Variants in WEE1 observed in about 807,000 individuals in gnomAD.
The protein encoded by WEE1 is wee1-like protein kinase.
Under a neutral mutation model 68.8 loss-of-function variants are expected in WEE1, and 16 were observed. The observed-to-expected ratio is 0.23, with a 90% CI of 0.16 to 0.35. The LOEUF is 0.35. Ranked by LOEUF, WEE1 falls within the 10% of genes least tolerant of loss-of-function variation. WEE1 has a pLI of 1.00. For missense variants in WEE1, 651 were observed against 824.1 expected, an observed-to-expected ratio of 0.79 and a Z score of 2.57; for synonymous variants, 349 against 318.7, an observed-to-expected ratio of 1.09 and a Z score of -1.01.
Position 9,574,319 on chromosome 11 carries a change from C to A in WEE1, c.386C>A (p.Ala129Glu), listed in dbSNP as rs1849539305. 1.6e-6 allele frequency: 2 copies of A among 1,270,106 alleles called. No individual in the cohort carries two copies. The highest frequency in any genetic ancestry group is 2.9e-5 in the South Asian group (1 of 33,962). 78.7% of individuals were successfully genotyped at this position (1,270,106 alleles called of 1,614,324 possible). A position where few individuals can be genotyped will look rare whatever the true frequency, so the allele number is the denominator to read the frequency against. Residue 129 changes from alanine to glutamate, a missense_variant, in exon 1 of 11, where the codon GCG (alanine) becomes GAG (glutamate). Around this residue, in one of 5 missense-constraint regions of WEE1, gnomAD observed 395 missense variants for 378.4 expected, o/e 1.04. Transcript: ENST00000450114. The surrounding 1 kb of genome is among the most constrained non-coding windows in gnomAD (Gnocchi z 4.9). Reference protein sequence around the residue: ...FGSSSPVKSPAAPYFLGSSFS... With the variant: ...FGSSSPVKSPEAPYFLGSSFS... The stretch of plus-strand genomic sequence containing the variant: ...TCCTCGTCGCCGGTCAAGTCGCCGG[C>A]GGCCCCCTACTTCCTGGGTAGCTCT...
chr11:9,581,797 C>A, intron 6 of WEE1, 119 bp downstream of exon 6: 1 of 1,005,964 alleles, frequency 9.9e-7, no homozygotes, highest in Non-Finnish European at 1.4e-6. Flanking sequence ...TTTTAAAAGG[C>A]CTTAGATCCA....
At chr11:9,579,690 C>G (rs952530792) in intron 5 of WEE1, 1 of 152,208 alleles carries the variant, frequency 6.6e-6, no homozygotes, top group Non-Finnish European at 1.5e-5. Context: ...CACATTTGAT[C>G]TAGGACTTAG....
chr11:9,575,377 T>A, intron 1 of WEE1: 2 of 991,258 alleles, frequency 2.0e-6, no homozygotes, highest in South Asian at 4.5e-5. Flanking sequence ...CCTTTTAAAG[T>A]GAGTTTGTTT....
chr11:9,578,004 A>T (rs1849582811), intron 5 of WEE1: 1 of 411,748 alleles, frequency 2.4e-6, no homozygotes, highest in African/African-American at 2.1e-5. Flanking sequence ...ATTATATACC[A>T]AATCTTTTAT....
intron 6 of WEE1, 103 bp from the exon 7 acceptor site, chr11:9,585,155 C>T (rs1051846245): frequency 4.5e-6 from 4 of 893,556 alleles, no homozygotes; most frequent in South Asian, 1.6e-5. Flanking sequence ...ACTTGAGAAT[C>T]GGCATTTTAA....
At chr11:9,575,335 C>G (rs1849553766) in intron 1 of WEE1, 1 of 988,738 alleles carries the variant, frequency 1.0e-6, no homozygotes, top group Admixed American at 5.9e-5. Flanking sequence ...TAAGACAAGC[C>G]TCGCATTTGT....
chr11:9,588,697 G>A lies in WEE1; in HGVS notation c.*95G>A. ...CCAGTTTGCAATTACTTTCTCGATT[G>A]GTGTCAGTAGTTTTACTGATTAGGA... On this transcript the variant is annotated 3_prime_UTR_variant, in exon 11 of 11. Transcript: ENST00000450114. 7.2e-7 allele frequency: 1 copy of A among 1,395,688 alleles called. No homozygotes were observed. The highest frequency in any genetic ancestry group is 9.3e-7 in the Non-Finnish European group (1 of 1,074,884). The allele number at this position is 1,395,688 out of a possible 1,614,324, so 86.5% of individuals were successfully genotyped here. A position where few individuals can be genotyped will look rare whatever the true frequency, so the allele number is the denominator to read the frequency against.
Position 9,576,066 on chromosome 11 carries a change from G to A in WEE1, c.755G>A (p.Arg252His), listed in dbSNP as rs750823367. The A allele has an allele frequency of 1.2e-6, 2 of 1,614,116 alleles. No homozygotes were observed. Among genetic ancestry groups the A allele is most frequent in the Non-Finnish European group, 1.7e-6 (2 of 1,180,014 alleles). ...TTGCTTCATTCCTCAGGACAGTGTC[G>A]TCGTAGAAAGAGAACGTATTGGAAT... is the stretch of plus-strand genomic sequence containing the variant. ...SLLLHSSGQC[R>H]RRKRTYWNDS... The change falls in exon 2 of 11, where the codon CGT becomes CAT. Residue 252 changes from arginine to histidine, a missense_variant. Arg to His is a conservative substitution (Grantham distance 29). This residue lies in a region of WEE1 where 395 missense variants were observed against 378.4 expected (regional missense o/e 1.04). Coordinates refer to ENST00000450114, the MANE Select transcript of WEE1 (RefSeq NM_003390.4). This position sits in a 1 kb window ranked among gnomAD's most constrained non-coding sequence, Gnocchi z 4.3.
At position 9,576,947 on chromosome 11, in the gene WEE1, T is replaced by G. The variant is rs2134341363; in HGVS notation, c.1020-195T>G. 6.6e-6 allele frequency among the ~76,000 whole-genome samples: 1 copy of G among 152,362 alleles called. No homozygotes were observed. Among genetic ancestry groups the G allele is most frequent in the South Asian group, 2.1e-4 (1 of 4,830 alleles). On this transcript the variant is annotated intron_variant, in intron 4 of 10. Coordinates refer to ENST00000450114, the MANE Select transcript of WEE1 (RefSeq NM_003390.4). The surrounding 1 kb of genome is among the most constrained non-coding windows in gnomAD (Gnocchi z 4.3). ...TCCTAGGGCAAGCAACATTTCTTCT[T>G]TCTGATAAATCTTTAATGGAATCTG...
At position 9,585,482 on chromosome 11, in the gene WEE1, T is replaced by C; in HGVS notation, c.1425T>C (p.Val475=). 1 of 1,604,040 alleles carries C rather than the reference T, an allele frequency of 6.2e-7. No individual in the cohort carries two copies. Among genetic ancestry groups the C allele is most frequent in the Non-Finnish European group, 8.5e-7 (1 of 1,177,590 alleles). Reference sequence around the variant, plus strand: ...TAACAAGGATCTCCAGTCCACAAGTTGAAGAGGGCGATAGTCGTTTTCTTG... The same window carrying C: ...TAACAAGGATCTCCAGTCCACAAGTCGAAGAGGGCGATAGTCGTTTTCTTG... ...GHVTRISSPQ[V]EEGDSRFLAN... Residue 475 remains valine (V), a synonymous_variant, in exon 8 of 11, where the codon GTT becomes GTC. Coordinates refer to ENST00000450114, the MANE Select transcript of WEE1 (RefSeq NM_003390.4).
rs952512028 is a variant in WEE1 at position 9,589,714 on chromosome 11, T to A, written c.*1112T>A. On this transcript the variant is annotated 3_prime_UTR_variant, in exon 11 of 11. Transcript: ENST00000450114. ...GCACTTGTCTTTGACTTGTGTTTTA[T>A]TAACATTGATTGGCATATTAAAAGT... 6 of 985,626 alleles carry A rather than the reference T, an allele frequency of 6.1e-6. No individual in the cohort carries two copies. In the African/African-American group the frequency reaches 7.0e-5, roughly 11 times the overall value. The allele number at this position is 985,626 out of a possible 1,614,324, so 61.1% of individuals were successfully genotyped here. A position where few individuals can be genotyped will look rare whatever the true frequency, so the allele number is the denominator to read the frequency against.
At position 9,573,780 on chromosome 11, in the gene WEE1, G is replaced by C. The variant is rs1471820257; in HGVS notation, c.-154G>C. The C allele has an allele frequency of 4.1e-6, 2 of 489,602 alleles. No homozygotes were observed. The highest frequency in any genetic ancestry group is 2.1e-5 in the African/African-American group (1 of 48,132). The allele number at this position is 489,602 out of a possible 1,614,324, so 30.3% of individuals were successfully genotyped here. ...GCTGCCGCCACCGTCCGCAGCCCGAGCGCCCCGGAGCCGCAGGCCGCCGCC... is the reference window on the plus strand; with the variant it reads ...GCTGCCGCCACCGTCCGCAGCCCGACCGCCCCGGAGCCGCAGGCCGCCGCC... On this transcript the variant is annotated 5_prime_UTR_variant, in exon 1 of 11. Transcript: ENST00000450114.
chr11:9,581,483 G>T, intron 5 of WEE1, 49 bp from the exon 6 acceptor site: 1 of 1,542,338 alleles, frequency 6.5e-7, no homozygotes. Context: ...ATGGAAGAAA[G>T]AAAATATTTC....
intron 1 of WEE1, chr11:9,575,233 G>A (rs1439446173): frequency 1.0e-6 from 1 of 985,480 alleles, no homozygotes; most frequent in Non-Finnish European, 1.2e-6. Context: ...AAAGAAGGAG[G>A]TGTTCAGCAC....
chr11:9,586,754 C>T lies in WEE1; in HGVS notation c.1685C>T (p.Ala562Val), dbSNP rs779886469. Residue 562 changes from alanine to valine, a missense_variant, in exon 10 of 11, where the codon GCA becomes GTA. Around this residue, in one of 5 missense-constraint regions of WEE1, gnomAD observed 115 missense variants for 142.7 expected, o/e 0.81. Transcript: ENST00000450114. ...CCAGAGAGAAGACCTTCAGCAATGG[C>T]ACTGGTAAAGCATTCAGTATTGCTG... The part of the protein sequence containing the change: ...PDPERRPSAM[A>V]LVKHSVLLSA... The T allele has an allele frequency of 6.2e-7, 1 of 1,614,008 alleles. No individual in the cohort carries two copies. Among genetic ancestry groups the T allele is most frequent in the East Asian group, 2.2e-5 (1 of 44,870 alleles).
rs1849540430 is a variant in WEE1, at chr11:9,574,405, C to T, written c.472C>T (p.Arg158Trp). The part of the protein sequence containing the change: ...DASPRGCGAR[R>W]AGEGRRSPRP... ...GTCGCCGCGGGGTTGCGGGGCGCGC[C>T]GGGCGGGCGAAGGCCGCCGCTCGCC... The change falls in exon 1 of 11, where the codon CGG becomes TGG. Residue 158 changes from arginine to tryptophan, a missense_variant. Arg to Trp is a moderately radical substitution (Grantham distance 101). Transcript: ENST00000450114. This position sits in a 1 kb window ranked among gnomAD's most constrained non-coding sequence, Gnocchi z 4.9. 3.3e-6 allele frequency: 4 copies of T among 1,214,078 alleles called. No homozygotes were observed. Among genetic ancestry groups the T allele is most frequent in the Non-Finnish European group, 4.1e-6 (4 of 981,042 alleles). The allele number at this position is 1,214,078 out of a possible 1,614,324, so 75.2% of individuals were successfully genotyped here. A position where few individuals can be genotyped will look rare whatever the true frequency, so the allele number is the denominator to read the frequency against.
rs1050095002 is a variant in WEE1 at position 9,577,017 on chromosome 11, G to T, written c.1020-125G>T. 1.1e-5 allele frequency: 11 copies of T among 1,038,206 alleles called. No homozygotes were observed. The Admixed American group carries it at 2.7e-4, about 26-fold the overall frequency. 64.3% of individuals were successfully genotyped at this position (1,038,206 alleles called of 1,614,324 possible). A position where few individuals can be genotyped will look rare whatever the true frequency, so the allele number is the denominator to read the frequency against. On this transcript the variant is annotated intron_variant, in intron 4 of 10. Transcript: ENST00000450114. ...CAAGTCTAAACCCCTTCTCTCTTAA[G>T]CAAGTTGCTTTTTAGCATAACAATA...
chr11:9,575,856 T>G (rs752784574), intron 1 of WEE1, 32 bp from the exon 2 acceptor site: 1 of 1,605,094 alleles, frequency 6.2e-7, no homozygotes, highest in South Asian at 1.1e-5. Context: ...ACTTGGATCC[T>G]AAAAATTGTA....
In WEE1 at chr11:9,588,687, T is replaced by G; in HGVS notation, c.*85T>G. The G allele has an allele frequency of 7.1e-7, 1 of 1,404,280 alleles. No individual in the cohort carries two copies. Among genetic ancestry groups the G allele is most frequent in the Non-Finnish European group, 9.3e-7 (1 of 1,078,690 alleles). The allele number at this position is 1,404,280 out of a possible 1,614,324, so 87.0% of individuals were successfully genotyped here. ...CTGATAGAATCCAGTTTGCAATTAC[T>G]TTCTCGATTGGTGTCAGTAGTTTTA... is the stretch of plus-strand genomic sequence containing the variant. On this transcript the variant is annotated 3_prime_UTR_variant, in exon 11 of 11. Transcript: ENST00000450114.
Sources: gnomAD v4.1 joint callset for allele counts (sites outside exome capture counted in the v4.1 genomes callset) on GRCh38, gnomAD v4.1.1 for gene constraint, gnomAD v4.1.1 regional missense constraint, Gnocchi (gnomAD v3.1) non-coding constraint, MANE v1.5 for transcripts, NCBI Gene and HGNC (gene_info 2026-07-23, HGNC 2026-07-21) for gene names.